The following PCDHA4 variants were observed in gnomAD, a reference collection of about 807,000 sequenced individuals.
PCDHA4 encodes the protein protocadherin alpha 4.
PCDHA4 carries 49 observed loss-of-function variants against 61.4 expected under a neutral mutation model. The ratio of observed to expected loss-of-function variants is 0.80; its 90% CI spans 0.63 to 1.01. The LOEUF (loss-of-function observed/expected upper bound fraction) is 1.01. PCDHA4 is among the 50% of genes least tolerant of loss of function. The probability of loss-of-function intolerance (pLI) is 0.00; values close to 1 mark genes in which losing one functional copy is unlikely to be tolerated. For synonymous variants in PCDHA4, 590 were observed against 550.3 expected, an observed-to-expected ratio of 1.07 and a Z score of -1.01; for missense variants, 1,254 against 1,235.8, an observed-to-expected ratio of 1.01 and a Z score of -0.22.
At chr5:140,997,374 A>G (rs1296402204) in intron 3 of PCDHA4, among the ~76,000 whole-genome samples, 1 of 152,212 alleles carries the variant, frequency 6.6e-6, no homozygotes, top group Non-Finnish European at 1.5e-5. Flanking sequence ...TAGATGATAT[A>G]GCATACTACA....
At chr5:140,835,547 C>G (rs2150237870) in intron 1 of PCDHA4, 13 of 1,613,960 alleles carry the variant, frequency 8.1e-6, no homozygotes, top group South Asian at 2.2e-5. Context: ...TTACCTGCTC[C>G]CTGACGCCCC....
At chr5:140,850,671 A>T in intron 1 of PCDHA4, 1 of 1,598,160 alleles carries the variant, frequency 6.3e-7, no homozygotes, top group Non-Finnish European at 8.6e-7. Context: ...GTGCTCGGCG[A>T]TGCCCACCGA....
chr5:140,983,897 G>A (rs155365), intron 3 of PCDHA4, among the ~76,000 whole-genome samples: 149,305 of 152,360 alleles, frequency 0.98, 73,183 homozygotes, highest in Middle Eastern at 1. Flanking sequence ...AAGGGCATTC[G>A]TTGATTCTAA....
chr5:140,828,095 G>A (rs2150150878), intron 1 of PCDHA4: 2 of 1,604,514 alleles, frequency 1.2e-6, no homozygotes, highest in African/African-American at 1.3e-5. Flanking sequence ...ATTTGACATG[G>A]TGTTTACCCC....
intron 1 of PCDHA4, among the ~76,000 whole-genome samples, chr5:140,975,784 A>T (rs1216156931): frequency 1.3e-5 from 2 of 151,914 alleles, no homozygotes; most frequent in African/African-American, 4.8e-5. Flanking sequence ...CCATTACAAG[A>T]TAAATTAAAT....
chr5:141,000,395 C>CTCTATA (rs1213762225), intron 3 of PCDHA4, among the ~76,000 whole-genome samples: 3 of 53,980 alleles, frequency 5.6e-5, no homozygotes, highest in East Asian at 6.1e-4. Flanking sequence ...CTCTCTCTCT[C>CTCTATA]TATATATATA....
intron 1 of PCDHA4, chr5:140,863,483 G>A: frequency 4.3e-6 from 2 of 464,772 alleles, no homozygotes; most frequent in Non-Finnish European, 8.6e-6. Context: ...CGCCTCCCAA[G>A]GTCAACATTA....
chr5:140,928,308 C>A, intron 1 of PCDHA4: 1 of 1,614,126 alleles, frequency 6.2e-7, no homozygotes, highest in Non-Finnish European at 8.5e-7. Flanking sequence ...CCCAGGACCC[C>A]GACCTGGGGA....
intron 1 of PCDHA4, among the ~76,000 whole-genome samples, chr5:140,826,123 C>G (rs1018689969): frequency 6.6e-6 from 1 of 152,152 alleles, no homozygotes; most frequent in Non-Finnish European, 1.5e-5. Context: ...TTCCTAATAT[C>G]CTGAGCTACT....
chr5:140,939,379 A>C (rs1554212694), intron 1 of PCDHA4, among the ~76,000 whole-genome samples: 1 of 152,170 alleles, frequency 6.6e-6, no homozygotes, highest in Non-Finnish European at 1.5e-5. Flanking sequence ...GAACACAAAC[A>C]TTCAGATCAT....
chr5:140,938,734 AT>A (rs1207782725), intron 1 of PCDHA4, among the ~76,000 whole-genome samples: 1 of 152,136 alleles, frequency 6.6e-6, no homozygotes, highest in Admixed American at 6.5e-5. Flanking sequence ...ACAGAAAAAA[AT>A]AATTATTTTT....
chr5:140,823,862 A>G (rs2150129786), intron 1 of PCDHA4: 2 of 1,613,814 alleles, frequency 1.2e-6, no homozygotes, highest in Admixed American at 3.3e-5. Flanking sequence ...GTGGATGTCA[A>G]CGTGTACCTG....
At chr5:140,882,076 G>T in intron 1 of PCDHA4, 1 of 920,546 alleles carries the variant, frequency 1.1e-6, no homozygotes. Flanking sequence ...TGCGCATGGT[G>T]TCGCTCTTCA....
intron 1 of PCDHA4, among the ~76,000 whole-genome samples, chr5:140,943,172 C>T (rs1370908273): frequency 2.7e-5 from 4 of 148,068 alleles, no homozygotes; most frequent in African/African-American, 1.0e-4. Context: ...GCAGGAAAAT[C>T]GCTTGAACCC....
chr5:141,006,282 G>A (rs2098265578), intron 3 of PCDHA4, among the ~76,000 whole-genome samples: 1 of 151,970 alleles, frequency 6.6e-6, no homozygotes, highest in Non-Finnish European at 1.5e-5. Context: ...CACGATCTCA[G>A]CTCACTGCAA....
intron 1 of PCDHA4, chr5:140,866,875 A>C (rs2049624381): frequency 6.6e-6 from 1 of 152,142 alleles, no homozygotes; most frequent in Admixed American, 6.5e-5. Flanking sequence ...ACTTCTTGGT[A>C]TTAGCCTATA....
intron 1 of PCDHA4, chr5:140,967,414 C>T: frequency 6.2e-7 from 1 of 1,613,156 alleles, no homozygotes; most frequent in African/African-American, 1.3e-5. Context: ...AGGGCCTAGA[C>T]CGGGAGCAGG....
At chr5:140,850,587 G>A in intron 1 of PCDHA4, 1 of 1,598,490 alleles carries the variant, frequency 6.3e-7, no homozygotes, top group South Asian at 1.1e-5. Flanking sequence ...GGATGTCAAC[G>A]TGTACCTGAT....
At chr5:140,998,903 G>A (rs1465203456) in intron 3 of PCDHA4, among the ~76,000 whole-genome samples, 9 of 152,156 alleles carry the variant, frequency 5.9e-5, no homozygotes, top group African/African-American at 1.7e-4. Flanking sequence ...CAATGCCTCC[G>A]GGAGGTAGCT....
Sources: allele counts gnomAD v4.1 joint callset (sites outside exome capture counted in the v4.1 genomes callset), GRCh38; gene constraint gnomAD v4.1.1; transcripts MANE v1.5; gene names NCBI Gene and HGNC (gene_info 2026-07-23, HGNC 2026-07-21).